Variants in CRTC3 observed in about 807,000 individuals in gnomAD.
CRTC3 encodes CREB-regulated transcription coactivator 3.
A neutral mutation model predicts 74.5 loss-of-function variants in CRTC3; 26 were observed. The ratio of observed to expected loss-of-function variants is 0.35; its 90% CI spans 0.26 to 0.48. CRTC3 has a LOEUF of 0.48. CRTC3 is among the 20% of genes least tolerant of loss of function. CRTC3 has a pLI of 0.99. For missense variants in CRTC3, 760 were observed against 787.3 expected, an observed-to-expected ratio of 0.97 and a Z score of 0.41; for synonymous variants, 377 against 325.8, an observed-to-expected ratio of 1.16 and a Z score of -1.69.
intron 2 of CRTC3, among the ~76,000 whole-genome samples, chr15:90,581,516 C>G (rs1967541299): frequency 6.6e-6 from 1 of 152,150 alleles, no homozygotes; most frequent in Admixed American, 6.5e-5. Context: ...GTAGAAAACA[C>G]AGCCTTCATC....
intron 1 of CRTC3, among the ~76,000 whole-genome samples, chr15:90,534,737 G>A (rs2151053359): frequency 6.6e-6 from 1 of 152,306 alleles, no homozygotes; most frequent in South Asian, 2.1e-4. Flanking sequence ...GAAAGGCCAT[G>A]GATGTGGTCT....
chr15:90,629,542 CACAG>C lies in CRTC3; in HGVS notation c.1266+17_1266+20del, dbSNP rs1386626994. 4 of 1,612,870 alleles carry C rather than the reference CACAG, an allele frequency of 2.5e-6. No individual in the cohort carries two copies. The South Asian group carries it at 3.3e-5, about 13-fold the overall frequency. ...ATATCCTACCTCCCAGGTAAACACA[CACAG>C]ACAGACCAACCACTACAGTGAAACA... On this transcript the variant is annotated intron_variant, in intron 11 of 14. Coordinates refer to ENST00000268184, the MANE Select transcript of CRTC3 (RefSeq NM_022769.5).
chr15:90,605,531 T>G (rs1968194293), intron 5 of CRTC3, among the ~76,000 whole-genome samples: 1 of 152,218 alleles, frequency 6.6e-6, no homozygotes, highest in Admixed American at 6.5e-5. Flanking sequence ...CTTAATATAA[T>G]TCAATGCCTG....
At chr15:90,596,223 G>A (rs749757913) in intron 3 of CRTC3, 7 of 152,260 alleles carry the variant, frequency 4.6e-5, no homozygotes, top group Non-Finnish European at 7.3e-5. Flanking sequence ...ACAGCAAACA[G>A]GCAATAAGAA....
rs1024351303 is a variant in CRTC3, at chr15:90,606,684, TAAAAA to T, written c.477-691_477-687del. 7 of 152,186 alleles carry T rather than the reference TAAAAA, an allele frequency of 4.6e-5. No individual in the cohort carries two copies. The South Asian group carries it at 1.4e-3, about 32-fold the overall frequency. 9.4% of individuals were successfully genotyped at this position (152,186 alleles called of 1,614,324 possible). On this transcript the variant is annotated intron_variant, in intron 5 of 14. Transcript: ENST00000268184. ...AGATTTTTTAAAGATACTAGTGAATTAAAAAAATAATAAGCCCATTACATGTTAAC... is the reference window on the plus strand; with the variant it reads ...AGATTTTTTAAAGATACTAGTGAATTAATAATAAGCCCATTACATGTTAAC...
chr15:90,531,068 C>T (rs143314553), intron 1 of CRTC3, among the ~76,000 whole-genome samples: 3,964 of 150,810 alleles, frequency 0.026, 96 homozygotes, highest in Non-Finnish European at 0.04. Flanking sequence ...TCTGCAGATT[C>T]TGGGGGACTG....
At chr15:90,612,384 A>G (rs1320377341) in intron 6 of CRTC3, among the ~76,000 whole-genome samples, 1 of 151,826 alleles carries the variant, frequency 6.6e-6, no homozygotes, top group Non-Finnish European at 1.5e-5. Flanking sequence ...TTATCCTTCA[A>G]TGAATGGCGC....
At chr15:90,603,220 G>A (rs1968124032) in intron 4 of CRTC3, among the ~76,000 whole-genome samples, 3 of 151,784 alleles carry the variant, frequency 2.0e-5, no homozygotes, top group Non-Finnish European at 1.5e-5. Context: ...AAGGCGGGCA[G>A]ATCACAAGCT....
intron 1 of CRTC3, among the ~76,000 whole-genome samples, chr15:90,531,567 G>A (rs1966627712): frequency 6.6e-6 from 1 of 152,054 alleles, no homozygotes; most frequent in Non-Finnish European, 1.5e-5. Context: ...AGAGAAAGAA[G>A]CTGAAGATTT....
intron 13 of CRTC3, among the ~76,000 whole-genome samples, chr15:90,639,032 A>C (rs1313304742): frequency 6.6e-6 from 1 of 152,198 alleles, no homozygotes; most frequent in Admixed American, 6.5e-5. Context: ...AACTATTGGA[A>C]CAATCGGCAG....
intron 2 of CRTC3, among the ~76,000 whole-genome samples, chr15:90,558,726 A>G (rs908668021): frequency 6.6e-5 from 10 of 151,756 alleles, no homozygotes; most frequent in African/African-American, 2.2e-4. Context: ...ATCACGATCC[A>G]GTATACTATA....
At chr15:90,616,185 T>C (rs1209443673) in intron 7 of CRTC3, among the ~76,000 whole-genome samples, 1 of 152,148 alleles carries the variant, frequency 6.6e-6, no homozygotes, top group Non-Finnish European at 1.5e-5. Context: ...GAGAGTGATG[T>C]AAATATCAGG....
Position 90,610,018 on chromosome 15 carries a change from TC to T in CRTC3, c.577+2542del, listed in dbSNP as rs1968321049. Reference sequence around the variant, plus strand: ...AAGTATAGCAGAACTCAGAAACACATCCTAATATGGATGTGTTTACATGGGA... The same window carrying T: ...AAGTATAGCAGAACTCAGAAACACATCTAATATGGATGTGTTTACATGGGA... On this transcript the variant is annotated intron_variant, in intron 6 of 14. Transcript: ENST00000268184. Among the ~76,000 whole-genome samples, 3 of 152,190 alleles carry T rather than the reference TC, an allele frequency of 2.0e-5. No individual in the cohort carries two copies. In the South Asian group the frequency reaches 6.2e-4, roughly 31 times the overall value.
chr15:90,545,159 A>G (rs1966842179), intron 2 of CRTC3, among the ~76,000 whole-genome samples: 1 of 152,170 alleles, frequency 6.6e-6, no homozygotes, highest in South Asian at 2.1e-4. Flanking sequence ...CACCCGTGTT[A>G]TAGTCTGTGA....
intron 2 of CRTC3, among the ~76,000 whole-genome samples, chr15:90,584,818 C>T (rs910296938): frequency 3.3e-5 from 5 of 152,112 alleles, no homozygotes; most frequent in African/African-American, 1.2e-4. Context: ...TCCAACCAGT[C>T]TCCTCTCCTA....
chr15:90,623,398 T>C (rs1165450607), intron 9 of CRTC3, among the ~76,000 whole-genome samples: 1 of 152,098 alleles, frequency 6.6e-6, no homozygotes, highest in Admixed American at 6.5e-5. Context: ...AAAGCCAAAA[T>C]AGAATTCGTG....
chr15:90,615,147 G>A (rs886806986), intron 7 of CRTC3, among the ~76,000 whole-genome samples: 1 of 152,092 alleles, frequency 6.6e-6, no homozygotes, highest in East Asian at 1.9e-4. Context: ...CATTTAGAAC[G>A]TCTTCGTTGA....
At chr15:90,611,548 G>A (rs1968356502) in intron 6 of CRTC3, among the ~76,000 whole-genome samples, 1 of 152,118 alleles carries the variant, frequency 6.6e-6, no homozygotes, top group African/African-American at 2.4e-5. Context: ...TTGATGATAT[G>A]TTAGCTTGGT....
Position 90,629,380 on chromosome 15 carries a change from C to G in CRTC3, c.1114C>G (p.Pro372Ala), listed in dbSNP as rs1189046613. 2 of 1,613,964 alleles carry G rather than the reference C, an allele frequency of 1.2e-6. No individual in the cohort carries two copies. Among genetic ancestry groups the G allele is most frequent in the Non-Finnish European group, 1.7e-6 (2 of 1,180,008 alleles). ...PSLRLFSLSN[P>A]SLSTTNLSGP... ...GCTCCGTCTGTTTTCCCTTAGCAAC[C>G]CATCTCTTTCCACCACAAACCTGAG... The change falls in exon 11 of 15, where the codon CCA (proline) becomes GCA (alanine). Residue 372 changes from proline to alanine, a missense_variant. Around this residue, in one of 2 missense-constraint regions of CRTC3, gnomAD observed 652 missense variants for 635.2 expected, o/e 1.03. Coordinates refer to ENST00000268184, the MANE Select transcript of CRTC3 (RefSeq NM_022769.5).
Sources: allele counts gnomAD v4.1 joint callset (sites outside exome capture counted in the v4.1 genomes callset), GRCh38; gene constraint gnomAD v4.1.1; regional missense constraint gnomAD v4.1.1; transcripts MANE v1.5; gene names NCBI Gene and HGNC (gene_info 2026-07-23, HGNC 2026-07-21).